The following TNS2 variants were observed in gnomAD, a reference collection of about 807,000 sequenced individuals.
TNS2 encodes the protein tensin-2.
A neutral mutation model predicts 155.7 loss-of-function variants in TNS2; 77 were observed. The ratio of observed to expected loss-of-function variants is 0.49; its 90% confidence interval spans 0.41 to 0.60. The LOEUF is 0.60. TNS2 is among the 20% of genes least tolerant of loss of function. The pLI, the probability that TNS2 is intolerant of heterozygous loss-of-function variation, is 0.00. For synonymous variants in TNS2, 726 were observed against 763.9 expected, an observed-to-expected ratio of 0.95 and a Z score of 0.82; for missense variants, 1,703 against 1,868.8, an observed-to-expected ratio of 0.91 and a Z score of 1.64.
intron 8 of TNS2, 113 bp from the exon 9 acceptor site, chr12:53,055,455 C>T: frequency 7.4e-7 from 1 of 1,359,592 alleles, no homozygotes; most frequent in Non-Finnish European, 1.0e-6. Flanking sequence ...CATGGACAAC[C>T]AGCAGACCCC....
Position 53,050,656 on chromosome 12 carries a change from A to T in TNS2, c.75+396A>T, listed in dbSNP as rs185612051. ...AAATGGGGTGGCAGGGTGGAAAAAG[A>T]GAGAGGAGAGGGAGTCAGGAGTGCT... On this transcript the variant is annotated intron_variant, in intron 1 of 28. Coordinates refer to ENST00000314250, the MANE Select transcript of TNS2 (RefSeq NM_170754.4). This position sits in a 1 kb window ranked among gnomAD's most constrained non-coding sequence, Gnocchi z 4.7. 8.5e-5 allele frequency among the ~76,000 whole-genome samples: 13 copies of T among 152,168 alleles called. No individual in the cohort carries two copies. Among genetic ancestry groups the T allele is most frequent in the African/African-American group, 3.1e-4 (13 of 41,522 alleles).
In TNS2 at chr12:53,051,941, T is replaced by A; in HGVS notation, c.162T>A (p.Asp54Glu). ...PVCAVCKVTI[D>E]GTGVSCRVCK... ...GTGCAGTATGTAAGGTGACCATCGATGGGACAGGCGTTTCGTGCAGAGGTG... is the reference window on the plus strand; with the variant it reads ...GTGCAGTATGTAAGGTGACCATCGAAGGGACAGGCGTTTCGTGCAGAGGTG... The change falls in exon 2 of 29, where the codon GAT (aspartate) becomes GAA (glutamate). Residue 54 changes from aspartate (D) to glutamate (E), a missense_variant. Transcript: ENST00000314250. The A allele has an allele frequency of 6.2e-7, 1 of 1,613,482 alleles. No homozygotes were observed. The highest frequency in any genetic ancestry group is 1.1e-5 in the South Asian group (1 of 91,044).
Position 53,062,619 on chromosome 12 carries a change from G to GA in TNS2, c.3746dup (p.Asp1249GlufsTer58). On this transcript the variant is annotated frameshift_variant and splice_region_variant. Coordinates refer to ENST00000314250, the MANE Select transcript of TNS2 (RefSeq NM_170754.4). LOFTEE classifies it high-confidence loss of function. ...TCCCTGTCGGTTCTCATTGCCCTCAGATCCTCTGGAAGAGACCCCAGAGGC... is the reference window on the plus strand; with the variant it reads ...TCCCTGTCGGTTCTCATTGCCCTCAGAATCCTCTGGAAGAGACCCCAGAGGC... 6.2e-7 allele frequency: 1 copy of GA among 1,613,924 alleles called. No individual in the cohort carries two copies. The highest frequency in any genetic ancestry group is 1.1e-5 in the South Asian group (1 of 91,076).
chr12:53,050,868 A>G lies in TNS2; in HGVS notation c.75+608A>G, dbSNP rs1943905353. On this transcript the variant is annotated intron_variant, in intron 1 of 28. Transcript: ENST00000314250. The surrounding 1 kb of genome is among the most constrained non-coding windows in gnomAD (Gnocchi z 4.7). ...TTTCCCAACTTCCCAGCCTTGCCCC[A>G]AAAGCAGCAGCTCAGGACAACCTGA... is the stretch of plus-strand genomic sequence containing the variant. Among the ~76,000 whole-genome samples the G allele has an allele frequency of 6.6e-6, 1 of 152,176 alleles. No homozygotes were observed. Among genetic ancestry groups the G allele is most frequent in the South Asian group, 2.1e-4 (1 of 4,836 alleles).
Position 53,063,986 on chromosome 12 carries a change from C to T in TNS2, c.*104C>T, listed in dbSNP as rs1243772353. ...GACCCAGGAGACCCAGGAGAAAGCA[C>T]CCTCCCTTAGGAATGAGGAGTGGGC... On this transcript the variant is annotated 3_prime_UTR_variant, in exon 29 of 29. Transcript: ENST00000314250. This position sits in a 1 kb window ranked among gnomAD's most constrained non-coding sequence, Gnocchi z 5.6. The T allele has an allele frequency of 6.0e-6, 8 of 1,335,632 alleles. No individual in the cohort carries two copies. The highest frequency in any genetic ancestry group is 4.4e-5 in the African/African-American group (3 of 68,390). 82.7% of individuals were successfully genotyped at this position (1,335,632 alleles called of 1,614,324 possible).
Position 53,059,177 on chromosome 12 carries a change from C to T in TNS2, c.1536C>T (p.Asp512=). Residue 512 remains aspartate (D), a synonymous_variant, in exon 18 of 29, where the codon GAC becomes GAT. Coordinates refer to ENST00000314250, the MANE Select transcript of TNS2 (RefSeq NM_170754.4). This position sits in a 1 kb window ranked among gnomAD's most constrained non-coding sequence, Gnocchi z 4.7. ...CCCCCATGCTCTCTGTCAGCAGCGA[C>T]TCAGGCCATTCCTCCACGCTGACCA... ...PPPPMLSVSS[D]SGHSSTLTTE... is the part of the protein sequence containing the mutation. The T allele has an allele frequency of 6.2e-7, 1 of 1,600,588 alleles. No homozygotes were observed. The highest frequency in any genetic ancestry group is 8.5e-7 in the Non-Finnish European group (1 of 1,177,724).
At chr12:53,062,501 G>GC (rs1319274555) in intron 24 of TNS2, 48 bp downstream of exon 24, 4 of 1,610,466 alleles carry the variant, frequency 2.5e-6, no homozygotes, top group Non-Finnish European at 3.4e-6. Flanking sequence ...ACCCCCTGCA[G>GC]CCAAAGCAGG....
At chr12:53,056,060 A>C in intron 10 of TNS2, 2 of 540,940 alleles carry the variant, frequency 3.7e-6, no homozygotes, top group Non-Finnish European at 3.2e-6. Context: ...GGGTGGTGTA[A>C]AACAGTGGAA....
chr12:53,050,098 G>C lies in TNS2; in HGVS notation c.-88G>C, dbSNP rs930540434. The C allele has an allele frequency of 5.1e-6, 8 of 1,555,098 alleles. No homozygotes were observed. The Admixed American group carries it at 9.8e-5, about 19-fold the overall frequency. ...TACCCTCCGCCCAGGGGAAGCGGCT[G>C]CCTCCGCCAGGCCGCTTCCAGGAAG... On this transcript the variant is annotated 5_prime_UTR_variant, in exon 1 of 29. Transcript: ENST00000314250. This position sits in a 1 kb window ranked among gnomAD's most constrained non-coding sequence, Gnocchi z 4.7.
rs374144803 is a variant in TNS2, at chr12:53,058,597, C to T, written c.1251C>T (p.Ser417=). The change falls in exon 16 of 29, where the codon TCC becomes TCT. Residue 417 remains serine, a synonymous_variant. Transcript: ENST00000314250. The stretch of plus-strand genomic sequence containing the variant: ...ATGAGAGGTTCCCCTTCCAAGCCTC[C>T]GTGGAGTTTGTCTTCTCCTCCAGCC... The part of the protein sequence containing the change: ...WTDERFPFQA[S]VEFVFSSSPE... 63 of 1,613,994 alleles carry T rather than the reference C, an allele frequency of 3.9e-5. No individual in the cohort carries two copies. The highest frequency in any genetic ancestry group is 4.9e-5 in the Non-Finnish European group (58 of 1,180,008).
In TNS2 at chr12:53,060,637, T is replaced by C. The variant is rs1944346993; in HGVS notation, c.2769-38T>C. ...GCAGGTGGGGTGGGAGCAGCCACAATGGGGGCTCTGCTGACCATCTGCCCT... is the reference window on the plus strand; with the variant it reads ...GCAGGTGGGGTGGGAGCAGCCACAACGGGGGCTCTGCTGACCATCTGCCCT... On this transcript the variant is annotated intron_variant, in intron 19 of 28. Transcript: ENST00000314250. This position sits in a 1 kb window ranked among gnomAD's most constrained non-coding sequence, Gnocchi z 6.1. The C allele has an allele frequency of 1.3e-6, 2 of 1,587,424 alleles. No homozygotes were observed. The highest frequency in any genetic ancestry group is 2.2e-5 in the East Asian group (1 of 44,450).
intron 4 of TNS2, 155 bp from the exon 5 acceptor site, chr12:53,053,619 G>A (rs1347832122): frequency 1.5e-6 from 2 of 1,362,160 alleles, no homozygotes; most frequent in Non-Finnish European, 2.0e-6. Context: ...CTGATCTTGT[G>A]CCCTTGGGCC....
chr12:53,055,921 C>T (rs1944136790), intron 10 of TNS2, 76 bp downstream of exon 10: 1 of 1,477,988 alleles, frequency 6.8e-7, no homozygotes, highest in African/African-American at 1.4e-5. Context: ...ACCCATCTCC[C>T]CTGGAGCCCA....
chr12:53,050,137 C>T lies in TNS2; in HGVS notation c.-49C>T, dbSNP rs1282582458. ...GCTTCCAGGAAGCCCCGGGCCAGGC[C>T]CCAGCATTGTTCAGGCCCTGGGGCC... On this transcript the variant is annotated 5_prime_UTR_variant, in exon 1 of 29. Coordinates refer to ENST00000314250, the MANE Select transcript of TNS2 (RefSeq NM_170754.4). The surrounding 1 kb of genome is among the most constrained non-coding windows in gnomAD (Gnocchi z 4.7). 1.9e-6 allele frequency: 3 copies of T among 1,592,986 alleles called. No individual in the cohort carries two copies. The Admixed American group carries it at 5.2e-5, about 28-fold the overall frequency.
chr12:53,056,111 T>G (rs1341152532), intron 10 of TNS2: 2 of 354,280 alleles, frequency 5.6e-6, no homozygotes, highest in Non-Finnish European at 1.0e-5. Context: ...ATACCAGCAC[T>G]TTGGGAGGCT....
chr12:53,054,768 G>A (rs1344300821), intron 7 of TNS2, among the ~76,000 whole-genome samples: 1 of 151,496 alleles, frequency 6.6e-6, no homozygotes, highest in Non-Finnish European at 1.5e-5. Flanking sequence ...TCCTCCACCC[G>A]GGCTCAAGCG....
chr12:53,062,469 T>C lies in TNS2; in HGVS notation c.3745+16T>C. The C allele has an allele frequency of 1.2e-6, 2 of 1,613,188 alleles. No individual in the cohort carries two copies. Among genetic ancestry groups the C allele is most frequent in the South Asian group, 2.2e-5 (2 of 91,006 alleles). ...CCCAGCAAAGGTGAGTGTCTGGTCA[T>C]CTGTCCTCCCCACCTCTCCCTACCC... On this transcript the variant is annotated intron_variant, in intron 24 of 28. Transcript: ENST00000314250.
At chr12:53,052,321 C>A in intron 2 of TNS2, 134 bp from the exon 3 acceptor site, 1 of 1,169,500 alleles carries the variant, frequency 8.6e-7, no homozygotes, top group Non-Finnish European at 1.3e-6. Flanking sequence ...CTCCTCTGCC[C>A]CAGCCAGCCC....
In TNS2 at chr12:53,062,715, A is replaced by G. The variant is rs886723263; in HGVS notation, c.3823+18A>G. 13 of 1,610,136 alleles carry G rather than the reference A, an allele frequency of 8.1e-6. No homozygotes were observed. Among genetic ancestry groups the G allele is most frequent in the Non-Finnish European group, 1.1e-5 (13 of 1,178,710 alleles). On this transcript the variant is annotated intron_variant, in intron 25 of 28. Coordinates refer to ENST00000314250, the MANE Select transcript of TNS2 (RefSeq NM_170754.4). ...GGGTGCTGGTAGAGACTTCCCCTCC[A>G]CTCCCCTCCCTCTCCCTGGGCACCA...
Sources: gnomAD v4.1 joint callset for allele counts (sites outside exome capture counted in the v4.1 genomes callset) on GRCh38, gnomAD v4.1.1 for gene constraint, Gnocchi (gnomAD v3.1) non-coding constraint, MANE v1.5 for transcripts, NCBI Gene and HGNC (gene_info 2026-07-23, HGNC 2026-07-21) for gene names.